The following PCCB variants were observed in gnomAD, a reference collection of about 807,000 sequenced individuals.
PCCB encodes propionyl-CoA carboxylase subunit beta.
PCCB carries 43 observed loss-of-function variants against 60.7 expected under a neutral mutation model. The ratio of observed to expected loss-of-function variants is 0.71; its 90% CI spans 0.55 to 0.91. The LOEUF (loss-of-function observed/expected upper bound fraction) is 0.91. PCCB is among the 40% of genes least tolerant of loss of function. The pLI is 0.00. For missense variants in PCCB, 766 were observed against 702.8 expected, an observed-to-expected ratio of 1.09 and a Z score of -1.02; for synonymous variants, 276 against 255.9, an observed-to-expected ratio of 1.08 and a Z score of -0.75.
chr3:136,291,549 A>G (rs1198275630), intron 6 of PCCB, among the ~76,000 whole-genome samples: 1 of 151,026 alleles, frequency 6.6e-6, no homozygotes, highest in Non-Finnish European at 1.5e-5. Context: ...CCTCTGAACT[A>G]TGAATGTCAT....
chr3:136,273,449 A>G (rs1210108542), intron 5 of PCCB, among the ~76,000 whole-genome samples: 1 of 151,924 alleles, frequency 6.6e-6, no homozygotes, highest in East Asian at 1.9e-4. Flanking sequence ...TTGCTATTTC[A>G]TTTCCTAGGT....
chr3:136,266,990 C>A (rs1328110745), intron 5 of PCCB, among the ~76,000 whole-genome samples: 1 of 152,128 alleles, frequency 6.6e-6, no homozygotes, highest in Non-Finnish European at 1.5e-5. Flanking sequence ...TCAAGTGATT[C>A]TCGTGCCTCA....
At position 136,264,417 on chromosome 3, in the gene PCCB, GTC is replaced by G. The variant is rs200280111; in HGVS notation, c.543+2357_543+2358del. 8.8e-3 allele frequency among the ~76,000 whole-genome samples: 1,067 copies of G among 121,542 alleles called. 25 individuals are homozygous for G. The highest frequency in any genetic ancestry group is 0.036 in the African/African-American group (1,013 of 27,822). 79.7% of individuals were successfully genotyped at this position (121,542 alleles called of 152,430 possible). A position where few individuals can be genotyped will look rare whatever the true frequency, so the allele number is the denominator to read the frequency against. ...GCGCGCTCTCGCTCTTTCTGTCTCT[GTC>G]TCTCATATATATGTGTGTGTGTATA... On this transcript the variant is annotated intron_variant, in intron 5 of 14. Coordinates refer to ENST00000251654, the MANE Select transcript of PCCB (RefSeq NM_000532.5).
At chr3:136,279,828 T>C (rs6785225) in intron 5 of PCCB, among the ~76,000 whole-genome samples, 56,506 of 151,730 alleles carry the variant, frequency 0.37, 11,642 homozygotes, top group African/African-American at 0.55. Flanking sequence ...CCACCATGCC[T>C]GGCTAATTTT....
rs60479824 is a variant in PCCB at position 136,302,162 on chromosome 3, C to T, written c.966+1051C>T. On this transcript the variant is annotated intron_variant, in intron 9 of 14. Transcript: ENST00000251654. ...TTTGGAGGACAGGGTCCTTTTATGC[C>T]CACCCCGGCTCCTGCAAGCTGTGTG... 7.2e-3 allele frequency among the ~76,000 whole-genome samples: 1,087 copies of T among 151,636 alleles called. 52 individuals are homozygous for T. Among genetic ancestry groups the T allele is most frequent in the African/African-American group, 0.025 (1,033 of 41,372 alleles).
chr3:136,307,355 A>G lies in PCCB; in HGVS notation c.966+6244A>G, dbSNP rs969946079. 3.5e-4 allele frequency among the ~76,000 whole-genome samples: 23 copies of G among 65,610 alleles called. 5 individuals are homozygous for G. The South Asian group carries it at 4.4e-3, about 13-fold the overall frequency. The allele number at this position is 65,610 out of a possible 152,430, so 43.0% of individuals were successfully genotyped here. ...GAAGTGGGGATGAGGGTAGAGAACA[A>G]TGTATAAGTACTATATGTTTAGTTT... On this transcript the variant is annotated intron_variant, in intron 9 of 14. Transcript: ENST00000251654.
At chr3:136,311,438 A>G (rs528061976) in intron 9 of PCCB, among the ~76,000 whole-genome samples, 54 of 152,214 alleles carry the variant, frequency 3.5e-4, no homozygotes, top group African/African-American at 1.1e-3. Context: ...TGCAGCTTCA[A>G]CTTCCTGGTC....
At chr3:136,251,418 A>T in intron 1 of PCCB, 1 of 430,642 alleles carries the variant, frequency 2.3e-6, no homozygotes, top group Admixed American at 2.5e-5. Flanking sequence ...GATGAAGAGT[A>T]TTCAGGCACA....
At position 136,326,799 on chromosome 3, in the gene PCCB, C is replaced by G. The variant is rs759283485; in HGVS notation, c.1091-4C>G. The G allele has an allele frequency of 1.3e-5, 20 of 1,576,740 alleles. No homozygotes were observed. The highest frequency in any genetic ancestry group is 1.7e-5 in the Non-Finnish European group (20 of 1,146,132). On this transcript the variant is annotated splice_region_variant and splice_polypyrimidine_tract_variant and intron_variant, in intron 10 of 14. Coordinates refer to ENST00000251654, the MANE Select transcript of PCCB (RefSeq NM_000532.5). ...CTCAGTATGGATAATCTCTCTCTTT[C>G]TAGGATGCTTGGATATTAATTCATC...
chr3:136,272,865 G>T (rs1369256010), intron 5 of PCCB, among the ~76,000 whole-genome samples: 2 of 151,936 alleles, frequency 1.3e-5, no homozygotes, highest in Non-Finnish European at 2.9e-5. Flanking sequence ...CTGGCATTGG[G>T]TTTAGTTCGT....
At position 136,328,849 on chromosome 3, in the gene PCCB, C is replaced by T. The variant is rs142403318; in HGVS notation, c.1490C>T (p.Ala497Val). Residue 497 changes from alanine (A) to valine (V), a missense_variant, in exon 14 of 15, where the codon GCA (alanine) becomes GTA (valine). Physicochemically the swap from Ala to Val is moderately conservative, Grantham distance 64. Transcript: ENST00000251654. ...IEKFANPFPA[A>V]VRGFVDDIIQ... ...AAGTTTGCCAACCCTTTCCCTGCAG[C>T]AGTGCGAGGTAGGGGACTGTGGTGA... The T allele has an allele frequency of 1.7e-3, 2,725 of 1,612,734 alleles. 6 individuals are homozygous for T. The highest frequency in any genetic ancestry group is 5.9e-3 in the Admixed American group (355 of 60,028).
chr3:136,269,018 C>T (rs558604546), intron 5 of PCCB, among the ~76,000 whole-genome samples: 3 of 152,296 alleles, frequency 2.0e-5, no homozygotes, highest in South Asian at 4.2e-4. Flanking sequence ...CAGTGGCTCA[C>T]GCCTGTAATC....
intron 10 of PCCB, among the ~76,000 whole-genome samples, chr3:136,321,601 C>T (rs376486528): frequency 7.4e-4 from 113 of 152,250 alleles, no homozygotes; most frequent in African/African-American, 2.5e-3. Context: ...ACGAGAACAG[C>T]GTGAGGAAAA....
intron 5 of PCCB, among the ~76,000 whole-genome samples, chr3:136,265,805 T>C (rs1216550130): frequency 6.6e-6 from 1 of 151,982 alleles, no homozygotes; most frequent in African/African-American, 2.4e-5. Context: ...TCTTTGTTGA[T>C]ACTTGGTATT....
At chr3:136,316,790 G>A in intron 9 of PCCB, 151 bp from the exon 10 acceptor site, 1 of 860,026 alleles carries the variant, frequency 1.2e-6, no homozygotes, top group South Asian at 1.4e-5. Context: ...GCCTCTGCCT[G>A]TTGTCCTGCT....
chr3:136,299,486 ATG>A (rs1355438685), intron 8 of PCCB, among the ~76,000 whole-genome samples: 1 of 150,510 alleles, frequency 6.6e-6, no homozygotes. Context: ...ATGTGTATGT[ATG>A]TATATGCATG....
intron 6 of PCCB, among the ~76,000 whole-genome samples, chr3:136,289,622 G>A (rs1933583646): frequency 6.6e-6 from 1 of 151,884 alleles, no homozygotes; most frequent in African/African-American, 2.4e-5. Flanking sequence ...TTAGACCATT[G>A]ACATTCAGAG....
At chr3:136,259,712 T>G (rs1247810551) in intron 3 of PCCB, among the ~76,000 whole-genome samples, 4 of 152,202 alleles carry the variant, frequency 2.6e-5, no homozygotes, top group Non-Finnish European at 5.9e-5. Context: ...ATCAGACTTC[T>G]TTTCTAATTT....
At chr3:136,321,206 A>AC (rs1935096602) in intron 10 of PCCB, among the ~76,000 whole-genome samples, 1 of 152,212 alleles carries the variant, frequency 6.6e-6, no homozygotes, top group African/African-American at 2.4e-5. Flanking sequence ...AAATAGACTT[A>AC]CAGAACAGTT....
Sources: allele counts gnomAD v4.1 joint callset (sites outside exome capture counted in the v4.1 genomes callset), GRCh38; gene constraint gnomAD v4.1.1; transcripts MANE v1.5; gene names NCBI Gene and HGNC (gene_info 2026-07-23, HGNC 2026-07-21).